AZIN2: variants seen among roughly 807,000 people sequenced by gnomAD.
The protein encoded by AZIN2 is antizyme inhibitor 2, also known as ODC antizyme inhibitor-2.
In AZIN2, 28 loss-of-function variants were observed where a neutral mutation model predicts 47.8. The ratio of observed to expected loss-of-function variants is 0.59; its 90% confidence interval spans 0.43 to 0.80. The LOEUF (loss-of-function observed/expected upper bound fraction) is 0.80. Ranked by LOEUF, AZIN2 falls within the 30% of genes least tolerant of loss-of-function variation. The pLI, the probability that AZIN2 is intolerant of heterozygous loss-of-function variation, is 0.00. For synonymous variants in AZIN2, 221 were observed against 239.4 expected (o/e 0.92, Z 0.71); for missense variants, 535 against 582.5 (o/e 0.92, Z 0.84).
At chr1:33,093,188 C>G in intron 6 of AZIN2, 94 bp from the exon 7 acceptor site, 1 of 1,547,522 alleles carries the variant, frequency 6.5e-7, no homozygotes, top group Non-Finnish European at 8.8e-7. Flanking sequence ...TTGGGTGGCT[C>G]TGAGCCATGT....
At chr1:33,101,294 C>T (rs1016420745) in intron 10 of AZIN2, among the ~76,000 whole-genome samples, 3 of 152,212 alleles carry the variant, frequency 2.0e-5, no homozygotes, top group Admixed American at 1.3e-4. Flanking sequence ...CAGCCTCAGC[C>T]TCCCAAAGTG....
At chr1:33,133,962 G>A in the AZIN2 span, among the ~76,000 whole-genome samples, 1 of 152,206 alleles carries the variant, frequency 6.6e-6, no homozygotes, top group African/African-American at 2.4e-5. Flanking sequence ...TCAACCTGGC[G>A]AGCTGCCTCT....
chr1:33,106,251 G>A (rs1288416395), intron 10 of AZIN2, among the ~76,000 whole-genome samples: 1 of 152,110 alleles, frequency 6.6e-6, no homozygotes, highest in African/African-American at 2.4e-5. Flanking sequence ...GACCAATAGT[G>A]AGTTAGGAGA....
the AZIN2 span, among the ~76,000 whole-genome samples, chr1:33,129,938 C>A: frequency 6.6e-6 from 1 of 152,156 alleles, no homozygotes; most frequent in Non-Finnish European, 1.5e-5. This position sits in a 1 kb window ranked among gnomAD's most constrained non-coding sequence, Gnocchi z 4.1. Flanking sequence ...TGGCTCACTG[C>A]AGCCTCTGCC....
chr1:33,111,704 C>T (rs1644296584), intron 10 of AZIN2, among the ~76,000 whole-genome samples: 1 of 151,742 alleles, frequency 6.6e-6, no homozygotes, highest in Non-Finnish European at 1.5e-5. Context: ...CAGGTCCAAG[C>T]AATTCTCCCA....
the AZIN2 span, among the ~76,000 whole-genome samples, chr1:33,157,383 G>C: frequency 6.6e-6 from 1 of 152,040 alleles, no homozygotes; most frequent in Non-Finnish European, 1.5e-5. Context: ...TACCTACGTG[G>C]CTCACTCTTC....
chr1:33,120,206 A>T lies in AZIN2; in HGVS notation c.*24A>T, dbSNP rs2124678562. The T allele has an allele frequency of 6.3e-7, 1 of 1,581,970 alleles. No individual in the cohort carries two copies. The highest frequency in any genetic ancestry group is 8.6e-7 in the Non-Finnish European group (1 of 1,157,572). The stretch of plus-strand genomic sequence containing the variant: ...GAGTGGGCCTCGTTCCCCCCGGAGA[A>T]TCCCAGCGGGGCCTCAGAGATGCAT... On this transcript the variant is annotated 3_prime_UTR_variant, in exon 12 of 12. Coordinates refer to ENST00000294517, the MANE Select transcript of AZIN2 (RefSeq NM_052998.4).
intron 10 of AZIN2, among the ~76,000 whole-genome samples, chr1:33,107,789 G>A (rs371705071): frequency 8.5e-5 from 13 of 152,176 alleles, no homozygotes; most frequent in South Asian, 4.1e-4. Flanking sequence ...AGATGTGTAC[G>A]CTGAAAACTA....
chr1:33,114,043 G>C (rs902064286), intron 10 of AZIN2, among the ~76,000 whole-genome samples: 1 of 151,860 alleles, frequency 6.6e-6, no homozygotes, highest in Non-Finnish European at 1.5e-5. Flanking sequence ...TCACAAGTGA[G>C]ATTTTGGCCA....
At chr1:33,155,645 C>G in the AZIN2 span, among the ~76,000 whole-genome samples, 13 of 152,272 alleles carry the variant, frequency 8.5e-5, no homozygotes, top group Admixed American at 1.3e-4. Context: ...AGGACAAGTT[C>G]CTAACAGCTC....
downstream of AZIN2, among the ~76,000 whole-genome samples, chr1:33,127,322 A>C (rs980780656): frequency 2.0e-5 from 3 of 152,254 alleles, no homozygotes; most frequent in Non-Finnish European, 2.9e-5. Context: ...TCACTTCCGT[A>C]TTCGAGAGCC....
At chr1:33,125,367 C>CA (rs1434098875), downstream of AZIN2, among the ~76,000 whole-genome samples, 8 of 152,124 alleles carry the variant, frequency 5.3e-5, no homozygotes, top group African/African-American at 1.4e-4. Context: ...GCTGCGATGC[C>CA]AAAAAAAGCT....
At chr1:33,149,888 G>A in the AZIN2 span, among the ~76,000 whole-genome samples, 1 of 152,188 alleles carries the variant, frequency 6.6e-6, no homozygotes, top group African/African-American at 2.4e-5. Context: ...TCTCCCTTGT[G>A]TGTCCAGAGC....
At position 33,122,775 on chromosome 1, in the gene AZIN2, C is replaced by T. The variant is rs937150257; in HGVS notation, c.*2593C>T. Reference sequence around the variant, plus strand: ...TTCCCAATGCCTCCCTACAACCCACCTGTGCCTCCTGAAGCCCCTCCTGCG... The same window carrying T: ...TTCCCAATGCCTCCCTACAACCCACTTGTGCCTCCTGAAGCCCCTCCTGCG... On this transcript the variant is annotated 3_prime_UTR_variant, in exon 12 of 12. Transcript: ENST00000294517. 3.8e-4 allele frequency among the ~76,000 whole-genome samples: 58 copies of T among 152,310 alleles called. No homozygotes were observed. The highest frequency in any genetic ancestry group is 1.3e-3 in the African/African-American group (56 of 41,556).
At chr1:33,143,839 G>A in the AZIN2 span, among the ~76,000 whole-genome samples, 3 of 152,218 alleles carry the variant, frequency 2.0e-5, no homozygotes, top group African/African-American at 7.2e-5. Context: ...GTAGCAAATG[G>A]AAGAAGCTAC....
the AZIN2 span, among the ~76,000 whole-genome samples, chr1:33,144,536 C>T: frequency 3.0e-4 from 45 of 152,216 alleles, no homozygotes; most frequent in Admixed American, 2.4e-3. Flanking sequence ...GTCCTGGGCC[C>T]GACTGATAGA....
the AZIN2 span, among the ~76,000 whole-genome samples, chr1:33,158,837 CT>C: frequency 1.3e-5 from 2 of 150,442 alleles, no homozygotes; most frequent in African/African-American, 4.9e-5. Context: ...CAGTTTTTTT[CT>C]TTTTTTTCTT....
chr1:33,126,521 G>A (rs1231239130), downstream of AZIN2, among the ~76,000 whole-genome samples: 1 of 152,192 alleles, frequency 6.6e-6, no homozygotes, highest in African/African-American at 2.4e-5. Context: ...AGTTTGGGTG[G>A]TGGTGGTGCG....
chr1:33,138,698 T>C, the AZIN2 span, among the ~76,000 whole-genome samples: 2 of 152,040 alleles, frequency 1.3e-5, no homozygotes, highest in African/African-American at 4.8e-5. Context: ...GCAGCAGTTA[T>C]CTCTGGACAG....
Sources: allele counts gnomAD v4.1 joint callset (sites outside exome capture counted in the v4.1 genomes callset), GRCh38; gene constraint gnomAD v4.1.1; non-coding constraint Gnocchi (gnomAD v3.1); transcripts MANE v1.5; gene names NCBI Gene and HGNC (gene_info 2026-07-23, HGNC 2026-07-21).